The following ADK variants were observed in gnomAD, a reference collection of about 807,000 sequenced individuals.
ADK encodes the protein N6,N6-dimethyladenosine kinase.
ADK carries 24 observed loss-of-function variants against 44.7 expected under a neutral mutation model. The observed-to-expected ratio is 0.54, with a 90% CI of 0.39 to 0.76. ADK has a LOEUF of 0.76. Ranked by LOEUF, ADK falls within the 30% of genes least tolerant of loss-of-function variation. The pLI, the probability that ADK is intolerant of heterozygous loss-of-function variation, is 0.00. For synonymous variants in ADK, 128 were observed against 142.6 expected, an observed-to-expected ratio of 0.90 and a Z score of 0.73; for missense variants, 321 against 425.1, an observed-to-expected ratio of 0.76 and a Z score of 2.15.
intron 6 of ADK, among the ~76,000 whole-genome samples, chr10:74,472,791 T>C (rs1229663763): frequency 6.6e-6 from 1 of 152,330 alleles, no homozygotes; most frequent in East Asian, 1.9e-4. Flanking sequence ...GAAAGTGGTC[T>C]CATATAAAGA....
intron 2 of ADK, among the ~76,000 whole-genome samples, chr10:74,203,257 A>G (rs958894628): frequency 6.6e-6 from 1 of 152,248 alleles, no homozygotes; most frequent in Non-Finnish European, 1.5e-5. Flanking sequence ...TCAGGTGACC[A>G]TAGATATATG....
At chr10:74,271,194 T>C (rs191941260) in intron 3 of ADK, among the ~76,000 whole-genome samples, 134 of 152,250 alleles carry the variant, frequency 8.8e-4, no homozygotes, top group African/African-American at 3.2e-3. Context: ...TGGGGGTTTT[T>C]GATACCCCCA....
chr10:74,654,623 C>A (rs1460586118), intron 9 of ADK, among the ~76,000 whole-genome samples: 1 of 152,108 alleles, frequency 6.6e-6, no homozygotes, highest in Admixed American at 6.5e-5. Context: ...CTAGCCTGGC[C>A]AACATGGGGA....
chr10:74,639,605 G>A (rs753627408), intron 9 of ADK, among the ~76,000 whole-genome samples: 3 of 152,176 alleles, frequency 2.0e-5, no homozygotes, highest in African/African-American at 4.8e-5. Flanking sequence ...GGGAGGCCGA[G>A]GGGGGCAGAT....
intron 3 of ADK, among the ~76,000 whole-genome samples, chr10:74,306,908 A>G (rs1334792292): frequency 6.6e-6 from 1 of 152,212 alleles, no homozygotes; most frequent in Non-Finnish European, 1.5e-5. Flanking sequence ...AAAATTTGGC[A>G]ATTATGTCAA....
chr10:74,661,164 A>G (rs1854711456), intron 9 of ADK: 1 of 203,242 alleles, frequency 4.9e-6, no homozygotes, highest in African/African-American at 2.4e-5. Flanking sequence ...TCTATGGAGA[A>G]TTTATCAACT....
chr10:74,444,763 T>A (rs1015446367), intron 6 of ADK, among the ~76,000 whole-genome samples: 3 of 152,016 alleles, frequency 2.0e-5, no homozygotes, highest in Non-Finnish European at 2.9e-5. Flanking sequence ...AGTTCAGGGG[T>A]GATGGTCATT....
chr10:74,306,219 C>T (rs932516955), intron 3 of ADK, among the ~76,000 whole-genome samples: 7 of 152,054 alleles, frequency 4.6e-5, no homozygotes, highest in Non-Finnish European at 8.8e-5. Flanking sequence ...TAACAGTCTT[C>T]TTCATTTTAC....
chr10:74,355,902 A>G (rs1192787930), intron 4 of ADK, among the ~76,000 whole-genome samples: 2 of 152,084 alleles, frequency 1.3e-5, no homozygotes, highest in Non-Finnish European at 2.9e-5. Context: ...ATATTTGCCA[A>G]TCAATCCACG....
intron 6 of ADK, among the ~76,000 whole-genome samples, chr10:74,447,631 A>G (rs924578191): frequency 6.6e-6 from 1 of 152,180 alleles, no homozygotes; most frequent in Non-Finnish European, 1.5e-5. Flanking sequence ...CTGAGTTAAG[A>G]TAATTCTGAA....
chr10:74,386,820 C>G (rs1335771303), intron 4 of ADK, among the ~76,000 whole-genome samples: 2 of 152,178 alleles, frequency 1.3e-5, no homozygotes, highest in African/African-American at 4.8e-5. Context: ...AATCTGTGCA[C>G]TAAGTCCCCT....
chr10:74,347,773 T>C (rs1841828167), intron 4 of ADK, among the ~76,000 whole-genome samples: 1 of 152,140 alleles, frequency 6.6e-6, no homozygotes, highest in Non-Finnish European at 1.5e-5. Context: ...GTAGGTGGTT[T>C]TTCCCTGACA....
At chr10:74,523,518 T>C (rs1848920767) in intron 6 of ADK, among the ~76,000 whole-genome samples, 1 of 152,202 alleles carries the variant, frequency 6.6e-6, no homozygotes. Flanking sequence ...TTCTCCATTT[T>C]TTCCTTCGTC....
intron 6 of ADK, among the ~76,000 whole-genome samples, chr10:74,474,153 A>G (rs1016095272): frequency 7.9e-5 from 12 of 151,870 alleles, no homozygotes; most frequent in Non-Finnish European, 1.2e-4. Flanking sequence ...TTCTCACTCT[A>G]TATCTCAGGT....
chr10:74,224,522 C>T lies in ADK; in HGVS notation c.141-16C>T, dbSNP rs753135671. On this transcript the variant is annotated splice_polypyrimidine_tract_variant and intron_variant, in intron 2 of 10. Coordinates refer to ENST00000539909, the MANE Select transcript of ADK (RefSeq NM_006721.4). ...GTGTGTGTATGAAGAGTGTAATTTT[C>T]GTTTCTGTTATACAGGTATTCTCTG... is the stretch of plus-strand genomic sequence containing the variant. 40 of 1,610,652 alleles carry T rather than the reference C, an allele frequency of 2.5e-5. No homozygotes were observed. Among genetic ancestry groups the T allele is most frequent in the African/African-American group, 1.1e-4 (8 of 74,820 alleles).
At chr10:74,304,386 A>G (rs1374989989) in intron 3 of ADK, among the ~76,000 whole-genome samples, 1 of 152,192 alleles carries the variant, frequency 6.6e-6, no homozygotes, top group Non-Finnish European at 1.5e-5. Context: ...AGAGTGGAAT[A>G]GTGCATTATA....
At chr10:74,411,479 A>G (rs1016939726) in intron 6 of ADK, among the ~76,000 whole-genome samples, 3 of 152,230 alleles carry the variant, frequency 2.0e-5, no homozygotes, top group Non-Finnish European at 4.4e-5. Context: ...TTATGTTTAC[A>G]CTATATGGTA....
At chr10:74,284,045 G>A (rs553894175) in intron 3 of ADK, among the ~76,000 whole-genome samples, 12 of 151,974 alleles carry the variant, frequency 7.9e-5, no homozygotes, top group East Asian at 1.9e-4. Context: ...TGCAACCTCC[G>A]CCTCCTGCGT....
chr10:74,446,608 G>A (rs1208740371), intron 6 of ADK, among the ~76,000 whole-genome samples: 1 of 152,070 alleles, frequency 6.6e-6, no homozygotes, highest in Non-Finnish European at 1.5e-5. Context: ...ATAGTGAGAA[G>A]GTGGATAATT....
Sources: allele counts gnomAD v4.1 joint callset (sites outside exome capture counted in the v4.1 genomes callset), GRCh38; gene constraint gnomAD v4.1.1; transcripts MANE v1.5; gene names NCBI Gene and HGNC (gene_info 2026-07-23, HGNC 2026-07-21).